Variants in RGS9 observed in about 807,000 individuals in gnomAD.
RGS9 encodes regulator of G-protein signalling 9.
Under a neutral mutation model 102.0 loss-of-function variants are expected in RGS9, and 78 were observed. The ratio of observed to expected loss-of-function variants is 0.76; its 90% CI spans 0.64 to 0.92. The LOEUF (loss-of-function observed/expected upper bound fraction) is 0.92. Among genes scored for constraint, RGS9 ranks in the 40% least tolerant of loss-of-function variants. RGS9 has a pLI of 0.00. For missense variants in RGS9, 833 were observed against 866.1 expected, an observed-to-expected ratio of 0.96 and a Z score of 0.48; for synonymous variants, 353 against 318.6, an observed-to-expected ratio of 1.11 and a Z score of -1.15.
intron 17 of RGS9, among the ~76,000 whole-genome samples, chr17:65,220,479 C>G (rs1340054155): frequency 6.6e-6 from 1 of 152,122 alleles, no homozygotes; most frequent in Non-Finnish European, 1.5e-5. Flanking sequence ...TTGTGCTAGA[C>G]TGTGTCAAAT....
intron 9 of RGS9, among the ~76,000 whole-genome samples, chr17:65,179,683 T>TGTGTGTGTGTGTG (rs1911785162): frequency 3.3e-5 from 3 of 90,638 alleles, no homozygotes; most frequent in African/African-American, 1.6e-4. Context: ...GTGTGTGTGT[T>TGTGTGTGTGTGTG]GGGGGTGGTT....
At chr17:65,197,063 A>G in intron 12 of RGS9, 63 bp from the exon 13 acceptor site, 2 of 1,202,464 alleles carry the variant, frequency 1.7e-6, no homozygotes, top group Non-Finnish European at 2.4e-6. Context: ...CCCTCACCCC[A>G]ACCCAGGCCA....
chr17:65,165,180 A>G (rs1039425877), intron 7 of RGS9, among the ~76,000 whole-genome samples: 6 of 152,066 alleles, frequency 3.9e-5, no homozygotes, highest in Non-Finnish European at 7.4e-5. Context: ...GAACCCTGAC[A>G]TCTGCTTTCT....
intron 9 of RGS9, among the ~76,000 whole-genome samples, chr17:65,182,351 C>T (rs994910222): frequency 1.3e-5 from 2 of 152,212 alleles, no homozygotes; most frequent in Non-Finnish European, 2.9e-5. Context: ...GAGTGCGCCA[C>T]CCTTTGTAAC....
At chr17:65,227,211 T>C in intron 18 of RGS9, 64 bp from the exon 19 acceptor site, 2 of 1,608,464 alleles carry the variant, frequency 1.2e-6, no homozygotes, top group Non-Finnish European at 1.7e-6. Flanking sequence ...TCAGGATGAT[T>C]TGGGGAGGTG....
At chr17:65,174,060 G>A (rs1476844262) in intron 8 of RGS9, among the ~76,000 whole-genome samples, 1 of 152,226 alleles carries the variant, frequency 6.6e-6, no homozygotes, top group East Asian at 1.9e-4. Flanking sequence ...GAGCCAGGTT[G>A]GGGCTGGAAC....
intron 17 of RGS9, among the ~76,000 whole-genome samples, chr17:65,222,087 T>A (rs1175692527): frequency 1.3e-5 from 2 of 152,260 alleles, no homozygotes; most frequent in Non-Finnish European, 2.9e-5. Context: ...TCATTTGGGT[T>A]GCTGGCAGGA....
At chr17:65,152,267 G>A (rs1186174036) in intron 1 of RGS9, among the ~76,000 whole-genome samples, 1 of 152,180 alleles carries the variant, frequency 6.6e-6, no homozygotes, top group Admixed American at 6.5e-5. Context: ...GAGTGTCCTT[G>A]GTATGGCTGG....
intron 2 of RGS9, among the ~76,000 whole-genome samples, chr17:65,154,229 C>A (rs185329640): frequency 1.2e-3 from 183 of 152,286 alleles, no homozygotes; most frequent in African/African-American, 3.5e-3. Context: ...ATCACTTGAA[C>A]CCGGGAGGCG....
intron 15 of RGS9, among the ~76,000 whole-genome samples, chr17:65,206,903 C>G (rs1236419447): frequency 6.6e-6 from 1 of 152,198 alleles, no homozygotes; most frequent in African/African-American, 2.4e-5. Context: ...TAGACTCTAT[C>G]CTAGTTCTCA....
At chr17:65,192,343 G>A (rs980097081) in intron 11 of RGS9, among the ~76,000 whole-genome samples, 13 of 152,214 alleles carry the variant, frequency 8.5e-5, no homozygotes, top group Admixed American at 2.6e-4. Context: ...GCCGGGAGCG[G>A]TGGCTCACGC....
chr17:65,208,466 T>C (rs539377501), intron 16 of RGS9, among the ~76,000 whole-genome samples: 1 of 152,260 alleles, frequency 6.6e-6, no homozygotes, highest in South Asian at 2.1e-4. Flanking sequence ...TAGGTATTCT[T>C]GCTGCCTCCG....
chr17:65,153,045 C>T (rs1035758365), intron 1 of RGS9, among the ~76,000 whole-genome samples: 1 of 152,226 alleles, frequency 6.6e-6, no homozygotes, highest in Non-Finnish European at 1.5e-5. Context: ...TTTCCAGCTG[C>T]AACTCCTGCT....
At chr17:65,186,940 A>G (rs1056013042) in intron 9 of RGS9, among the ~76,000 whole-genome samples, 2 of 152,194 alleles carry the variant, frequency 1.3e-5, no homozygotes, top group African/African-American at 4.8e-5. Flanking sequence ...AGGCTCCAAC[A>G]GAAGGAAGTA....
intron 4 of RGS9, 95 bp downstream of exon 4, chr17:65,160,434 G>T (rs889869976): frequency 1.9e-6 from 3 of 1,561,766 alleles, no homozygotes; most frequent in East Asian, 2.2e-5. Flanking sequence ...CTTCAGAAAT[G>T]GTGGAGGGGG....
chr17:65,161,091 C>T (rs999254947), intron 6 of RGS9, among the ~76,000 whole-genome samples, 182 bp downstream of exon 6: 10 of 152,208 alleles, frequency 6.6e-5, no homozygotes, highest in Non-Finnish European at 1.0e-4. Context: ...AATTCTTTCT[C>T]ATGTCTAACT....
chr17:65,217,795 C>G (rs1913568854), intron 17 of RGS9, among the ~76,000 whole-genome samples: 1 of 152,012 alleles, frequency 6.6e-6, no homozygotes, highest in Non-Finnish European at 1.5e-5. Flanking sequence ...AGACCAAAGC[C>G]AAGATTGGTT....
chr17:65,195,884 C>T (rs538528086), intron 12 of RGS9, among the ~76,000 whole-genome samples: 16 of 152,334 alleles, frequency 1.1e-4, no homozygotes, highest in South Asian at 6.2e-4. Context: ...CCTGGACCAG[C>T]GGCATCCGCA....
intron 17 of RGS9, among the ~76,000 whole-genome samples, chr17:65,214,589 T>C (rs2096187924): frequency 6.6e-6 from 1 of 152,236 alleles, no homozygotes; most frequent in African/African-American, 2.4e-5. Flanking sequence ...AAGTGGGCAC[T>C]GCAGGGCATG....
Sources: allele counts gnomAD v4.1 joint callset (sites outside exome capture counted in the v4.1 genomes callset), GRCh38; gene constraint gnomAD v4.1.1; transcripts MANE v1.5; gene names NCBI Gene and HGNC (gene_info 2026-07-23, HGNC 2026-07-21).